CREB5: variants seen among roughly 807,000 people sequenced by gnomAD.
CREB5 encodes cyclic AMP-responsive element-binding protein 5.
In CREB5, 19 loss-of-function variants were observed where a neutral mutation model predicts 57.1. That is an observed-to-expected ratio of 0.33 (90% CI 0.23 to 0.49). The LOEUF (loss-of-function observed/expected upper bound fraction) is 0.49, where lower values mean the gene tolerates loss of function less well. CREB5 is among the 20% of genes least tolerant of loss of function. CREB5 has a pLI of 0.99. For synonymous variants in CREB5, 238 were observed against 238.3 expected (o/e 1.00, Z 0.01); for missense variants, 579 against 671.6 (o/e 0.86, Z 1.52).
At chr7:28,790,263 A>G (rs1042162260) in intron 7 of CREB5, among the ~76,000 whole-genome samples, 2 of 152,216 alleles carry the variant, frequency 1.3e-5, no homozygotes, top group African/African-American at 4.8e-5. Flanking sequence ...AGCAAATGTT[A>G]TCCAACCATA....
chr7:28,544,062 C>T (rs1794318155), intron 4 of CREB5, among the ~76,000 whole-genome samples: 1 of 151,664 alleles, frequency 6.6e-6, no homozygotes, highest in East Asian at 1.9e-4. Flanking sequence ...AATAACTTTC[C>T]TTACAGGAGG....
Position 28,368,275 on chromosome 7 carries a change from G to A in CREB5, c.-25+68834G>A, listed in dbSNP as rs1786630777. 2.0e-5 allele frequency among the ~76,000 whole-genome samples: 3 copies of A among 152,080 alleles called. No individual in the cohort carries two copies. In the South Asian group the frequency reaches 6.2e-4, roughly 32 times the overall value. The stretch of plus-strand genomic sequence containing the variant: ...GTGAGGAATGAAAATTACCTACTGA[G>A]TACAATGTACAGTATTCGGGTGACA... On this transcript the variant is annotated intron_variant, in intron 1 of 9. Coordinates refer to the CREB5 transcript ENST00000396299.
At chr7:28,410,787 C>G (rs1046296499), upstream of CREB5, 12 of 351,934 alleles carry the variant, frequency 3.4e-5, no homozygotes, top group African/African-American at 1.9e-4. Flanking sequence ...GTTTGATTAA[C>G]GGCTTGAGCT....
At chr7:28,716,705 A>C (rs180948556) in intron 5 of CREB5, among the ~76,000 whole-genome samples, 8 of 152,354 alleles carry the variant, frequency 5.3e-5, no homozygotes, top group Admixed American at 4.6e-4. Flanking sequence ...GGAGGATATC[A>C]ACAAATTTGG....
In CREB5 at chr7:28,452,293, C is replaced by T. The variant is rs148499302; in HGVS notation, c.4-35882C>T. Among the ~76,000 whole-genome samples the T allele has an allele frequency of 9.6e-3, 1,454 of 151,824 alleles. 21 individuals carry two copies. Among genetic ancestry groups the T allele is most frequent in the African/African-American group, 0.033 (1,380 of 41,382 alleles). On this transcript the variant is annotated intron_variant, in intron 1 of 10. Coordinates refer to ENST00000357727, the MANE Select transcript of CREB5 (RefSeq NM_182898.4). Reference sequence around the variant, plus strand: ...AGTTTTATAGATTAAAAAAACAAACCCTATCAGAGTCAAATCATTCTTCTT... The same window carrying T: ...AGTTTTATAGATTAAAAAAACAAACTCTATCAGAGTCAAATCATTCTTCTT...
At chr7:28,407,975 G>A (rs140066519), upstream of CREB5, among the ~76,000 whole-genome samples, 103 of 152,350 alleles carry the variant, frequency 6.8e-4, no homozygotes, top group East Asian at 0.016. Context: ...TTATTAACGA[G>A]GGCTAAACTG....
intron 5 of CREB5, among the ~76,000 whole-genome samples, chr7:28,589,064 A>T (rs1229958070): frequency 6.6e-6 from 1 of 152,148 alleles, no homozygotes; most frequent in Non-Finnish European, 1.5e-5. Context: ...ACTTTGAAAC[A>T]TTTCAAACAC....
intron 1 of CREB5, among the ~76,000 whole-genome samples, chr7:28,398,226 C>T (rs1197642240): frequency 1.3e-5 from 2 of 152,144 alleles, no homozygotes; most frequent in Non-Finnish European, 2.9e-5. Context: ...GTGTATTTGA[C>T]TTAATTCCAG....
intron 1 of CREB5, among the ~76,000 whole-genome samples, chr7:28,453,725 G>T (rs1031349195): frequency 3.9e-5 from 6 of 152,224 alleles, no homozygotes; most frequent in African/African-American, 1.4e-4. Flanking sequence ...AGCAGGGCCT[G>T]CCCTACTATG....
intron 1 of CREB5, among the ~76,000 whole-genome samples, chr7:28,312,810 A>C (rs989021557): frequency 6.6e-6 from 1 of 152,212 alleles, no homozygotes; most frequent in African/African-American, 2.4e-5. Flanking sequence ...CAATTGCAGT[A>C]ATGTATTCCA....
At chr7:28,346,881 G>T (rs1786067718) in intron 1 of CREB5, among the ~76,000 whole-genome samples, 2 of 152,094 alleles carry the variant, frequency 1.3e-5, no homozygotes. Context: ...ATGAATAGTA[G>T]GATGGGGACA....
At chr7:28,562,891 C>T (rs1439440406) in intron 4 of CREB5, among the ~76,000 whole-genome samples, 2 of 152,194 alleles carry the variant, frequency 1.3e-5, no homozygotes, top group Admixed American at 6.5e-5. Flanking sequence ...TTATTTTCTA[C>T]CAAGTCACTT....
intron 1 of CREB5, among the ~76,000 whole-genome samples, chr7:28,421,200 AC>A (rs1241374622): frequency 2.6e-5 from 4 of 151,936 alleles, no homozygotes; most frequent in African/African-American, 9.7e-5. Flanking sequence ...GCCTTTACAT[AC>A]CCCATAGCAT....
At chr7:28,761,883 CTAG>C (rs1805682314) in intron 7 of CREB5, among the ~76,000 whole-genome samples, 1 of 152,090 alleles carries the variant, frequency 6.6e-6, no homozygotes, top group Non-Finnish European at 1.5e-5. Context: ...ATTTTTAAAA[CTAG>C]TGTGATCCTG....
chr7:28,526,675 C>T (rs1368646656), intron 4 of CREB5, among the ~76,000 whole-genome samples: 1 of 152,170 alleles, frequency 6.6e-6, no homozygotes, highest in African/African-American at 2.4e-5. Context: ...CTCGAACTGC[C>T]TGGAAAAAGC....
chr7:28,358,210 C>G (rs988918316), intron 1 of CREB5, among the ~76,000 whole-genome samples: 11 of 152,214 alleles, frequency 7.2e-5, no homozygotes, highest in African/African-American at 2.7e-4. Context: ...CTCCGCTGAC[C>G]TCACAGGCTC....
chr7:28,312,501 G>A (rs926076485), intron 1 of CREB5, among the ~76,000 whole-genome samples: 1 of 152,150 alleles, frequency 6.6e-6, no homozygotes, highest in African/African-American at 2.4e-5. Context: ...AAAGTCTCTG[G>A]TGTACAAAGG....
At chr7:28,631,600 C>G (rs375853956) in intron 5 of CREB5, among the ~76,000 whole-genome samples, 11 of 152,140 alleles carry the variant, frequency 7.2e-5, no homozygotes, top group African/African-American at 2.7e-4. Flanking sequence ...GTTCCTCTAT[C>G]ACCCAGGCTG....
intron 7 of CREB5, among the ~76,000 whole-genome samples, chr7:28,731,521 T>A (rs1431547938): frequency 2.6e-5 from 4 of 152,196 alleles, no homozygotes; most frequent in African/African-American, 9.7e-5. Flanking sequence ...CAAAATCGTT[T>A]CTTTTGAGAA....
Sources: gnomAD v4.1 joint callset for allele counts (sites outside exome capture counted in the v4.1 genomes callset) on GRCh38, gnomAD v4.1.1 for gene constraint, MANE v1.5 for transcripts, NCBI Gene and HGNC (gene_info 2026-07-23, HGNC 2026-07-21) for gene names.